RFX2: variants seen among roughly 807,000 people sequenced by gnomAD.
RFX2 encodes the protein regulatory factor X2, also known as DNA-binding protein RFX2.
In RFX2, 20 loss-of-function variants were observed where a neutral mutation model predicts 87.8. That is an observed-to-expected ratio of 0.23 (90% CI 0.16 to 0.33). RFX2 has a LOEUF of 0.33. Among genes scored for constraint, RFX2 ranks in the 10% least tolerant of loss-of-function variants. The probability of loss-of-function intolerance (pLI) is 1.00; values close to 1 mark genes in which losing one functional copy is unlikely to be tolerated. For missense variants in RFX2, 767 were observed against 1,012.3 expected, an observed-to-expected ratio of 0.76 and a Z score of 3.29; for synonymous variants, 397 against 431.3, an observed-to-expected ratio of 0.92 and a Z score of 0.98.
At chr19:6,025,614 C>T (rs968590476) in intron 6 of RFX2, among the ~76,000 whole-genome samples, 1 of 151,978 alleles carries the variant, frequency 6.6e-6, no homozygotes, top group African/African-American at 2.4e-5. Context: ...CCTATGACAA[C>T]CCGAGGAGGT....
In RFX2 at chr19:6,110,234, C is replaced by A. The variant is rs2088283921; in HGVS notation, c.-9+159G>T. Among the ~76,000 whole-genome samples, 1 of 34 alleles carries A rather than the reference C, an allele frequency of 0.029. No individual in the cohort carries two copies. Among genetic ancestry groups the A allele is most frequent in the Admixed American group, 0.17 (1 of 6 alleles). 0.0% of individuals were successfully genotyped at this position (34 alleles called of 152,430 possible). On this transcript the variant is annotated intron_variant, in intron 1 of 17. Transcript: ENST00000303657. The surrounding 1 kb of genome is among the most constrained non-coding windows in gnomAD (Gnocchi z 4.3). Reference sequence around the variant, plus strand: ...GGGTCCCCCCAAACTCCGCCGCGCGCGCGGACGGGGTGGCGGAGGCGGGTC... The same window carrying A: ...GGGTCCCCCCAAACTCCGCCGCGCGAGCGGACGGGGTGGCGGAGGCGGGTC...
chr19:6,091,469 T>G (rs1190513521), intron 1 of RFX2, among the ~76,000 whole-genome samples: 4 of 148,678 alleles, frequency 2.7e-5, no homozygotes, highest in Admixed American at 2.0e-4. Flanking sequence ...AAAAGGTGAA[T>G]TGTATGTGAA....
intron 5 of RFX2, among the ~76,000 whole-genome samples, chr19:6,029,713 AAAAAC>A (rs1222980112): frequency 6.6e-6 from 1 of 152,344 alleles, no homozygotes; most frequent in Admixed American, 6.5e-5. Context: ...ATATCAAAAC[AAAAAC>A]AAAACAAAAC....
chr19:6,074,804 G>A lies in RFX2; in HGVS notation c.-8-27300C>T, dbSNP rs527817483. Among the ~76,000 whole-genome samples, 235 of 152,332 alleles carry A rather than the reference G, an allele frequency of 1.5e-3. No individual in the cohort carries two copies. The highest frequency in any genetic ancestry group is 5.4e-3 in the African/African-American group (226 of 41,576). ...GAAGGCTCTGCCAGGGATGGTGCTC[G>A]GCAAGGCTGAGGCACACGGGACATG... is the stretch of plus-strand genomic sequence containing the variant. On this transcript the variant is annotated intron_variant, in intron 1 of 17. Transcript: ENST00000303657. This position sits in a 1 kb window ranked among gnomAD's most constrained non-coding sequence, Gnocchi z 5.2.
Position 6,007,107 on chromosome 19 carries a change from C to A in RFX2, c.1307G>T (p.Cys436Phe), listed in dbSNP as rs1305858481. The A allele has an allele frequency of 6.2e-7, 1 of 1,614,130 alleles. No individual in the cohort carries two copies. Among genetic ancestry groups the A allele is most frequent in the Middle Eastern group, 1.7e-4 (1 of 6,056 alleles). ...CCTCATCCACCTGAGGATGGGGTCG[C>A]ACTGACACAGGGAGATAAGCTTGTC... ...PKDKLISLCQ[C>F]DPILRWMRSC... The change falls in exon 12 of 18, where the codon TGC (cysteine) becomes TTC (phenylalanine). Residue 436 changes from cysteine (C) to phenylalanine (F), a missense_variant. Physicochemically the swap from Cys to Phe is radical, Grantham distance 205. Around this residue, in one of 2 missense-constraint regions of RFX2, gnomAD observed 621 missense variants for 873.0 expected, o/e 0.71. Coordinates refer to ENST00000303657, the MANE Select transcript of RFX2 (RefSeq NM_000635.4). The surrounding 1 kb of genome is among the most constrained non-coding windows in gnomAD (Gnocchi z 8.2).
chr19:6,026,314 C>T lies in RFX2; in HGVS notation c.523-77G>A, dbSNP rs1351093908. ...AAGGAAATCAGATGGTTAGCATCAG[C>T]CAAGATTTGTTTTTATTAATATCCA... On this transcript the variant is annotated intron_variant, in intron 5 of 17. Transcript: ENST00000303657. This position sits in a 1 kb window ranked among gnomAD's most constrained non-coding sequence, Gnocchi z 4.5. The T allele has an allele frequency of 5.6e-6, 7 of 1,261,024 alleles. No individual in the cohort carries two copies. Among genetic ancestry groups the T allele is most frequent in the Non-Finnish European group, 8.0e-6 (7 of 879,758 alleles). 78.1% of individuals were successfully genotyped at this position (1,261,024 alleles called of 1,614,324 possible). A position where few individuals can be genotyped will look rare whatever the true frequency, so the allele number is the denominator to read the frequency against.
rs1281554096 is a variant in RFX2, at chr19:5,998,802, GT to G, written c.1860-1590del. 2.0e-5 allele frequency among the ~76,000 whole-genome samples: 3 copies of G among 152,194 alleles called. No homozygotes were observed. In the East Asian group the frequency reaches 5.8e-4, roughly 29 times the overall value. On this transcript the variant is annotated intron_variant, in intron 15 of 17. Transcript: ENST00000303657. This position sits in a 1 kb window ranked among gnomAD's most constrained non-coding sequence, Gnocchi z 4.2. ...CAAATGGGCTCGCAGCTCCCAGAGA[GT>G]AGGAGCATCGGCCGACCACCACCAA...
In RFX2 at chr19:6,007,880, C is replaced by T. The variant is rs1402182691; in HGVS notation, c.1135-78G>A. On this transcript the variant is annotated intron_variant, in intron 10 of 17. Transcript: ENST00000303657. The surrounding 1 kb of genome is among the most constrained non-coding windows in gnomAD (Gnocchi z 8.2). ...ACTCAGCACACGTCAAGTGAGCAGC[C>T]GTGATCCGGGCTACAGCGGGGTGCC... 4.7e-6 allele frequency: 5 copies of T among 1,073,128 alleles called. No homozygotes were observed. Among genetic ancestry groups the T allele is most frequent in the Non-Finnish European group, 2.8e-6 (2 of 713,776 alleles). The allele number at this position is 1,073,128 out of a possible 1,614,324, so 66.5% of individuals were successfully genotyped here.
Position 6,042,067 on chromosome 19 carries a change from G to A in RFX2, c.237C>T (p.Asp79=), listed in dbSNP as rs374449502. ...ACATGGCTCCATTGGTGTAGACGGC[G>A]TCTCCCCCTTCCACGTACTGCACCT... The part of the protein sequence containing the change: ...PAQVQYVEGG[D]AVYTNGAIRT... The change falls in exon 4 of 18, where the codon GAC becomes GAT. Residue 79 remains aspartate, a synonymous_variant. Transcript: ENST00000303657. 49 of 1,613,836 alleles carry A rather than the reference G, an allele frequency of 3.0e-5. 1 individual carries two copies. Among genetic ancestry groups the A allele is most frequent in the East Asian group, 8.9e-5 (4 of 44,902 alleles).
At chr19:6,019,021 C>A (rs1194383882) in intron 6 of RFX2, among the ~76,000 whole-genome samples, 1 of 151,998 alleles carries the variant, frequency 6.6e-6, no homozygotes, top group Non-Finnish European at 1.5e-5. Flanking sequence ...TGCCTCCTGC[C>A]GCCTGCAGGG....
chr19:6,076,114 C>G (rs899543649), intron 1 of RFX2, among the ~76,000 whole-genome samples: 1 of 152,086 alleles, frequency 6.6e-6, no homozygotes, highest in African/African-American at 2.4e-5. Flanking sequence ...CCAAGGTGGG[C>G]AGATCACTTG....
At chr19:6,079,426 C>T (rs1163275676) in intron 1 of RFX2, among the ~76,000 whole-genome samples, 1 of 152,220 alleles carries the variant, frequency 6.6e-6, no homozygotes, top group Non-Finnish European at 1.5e-5. Flanking sequence ...TGTAGCCAGT[C>T]TCAAAAGCTG....
intron 1 of RFX2, among the ~76,000 whole-genome samples, chr19:6,100,048 AT>A (rs762982504): frequency 3.3e-5 from 5 of 152,152 alleles, no homozygotes; most frequent in Non-Finnish European, 4.4e-5. Context: ...TCTAGTTTAT[AT>A]TTTCCAACTT....
intron 1 of RFX2, among the ~76,000 whole-genome samples, chr19:6,098,103 G>A (rs1433370299): frequency 6.6e-6 from 1 of 152,076 alleles, no homozygotes; most frequent in Non-Finnish European, 1.5e-5. Flanking sequence ...CAGAGAAGGT[G>A]AATGACTCGA....
chr19:6,091,103 T>C (rs2087927685), intron 1 of RFX2, among the ~76,000 whole-genome samples: 1 of 152,168 alleles, frequency 6.6e-6, no homozygotes. Flanking sequence ...TTCACGGTGA[T>C]GGAAATGTTC....
chr19:6,079,938 T>A (rs2087754625), intron 1 of RFX2, among the ~76,000 whole-genome samples: 3 of 132,824 alleles, frequency 2.3e-5, no homozygotes, highest in Non-Finnish European at 3.2e-5. Flanking sequence ...ACAGCAAACC[T>A]AAAAAGGCAA....
Position 6,002,844 on chromosome 19 carries a change from C to T in RFX2, c.1527G>A (p.Gln509=). 4 of 1,611,352 alleles carry T rather than the reference C, an allele frequency of 2.5e-6. No individual in the cohort carries two copies. The highest frequency in any genetic ancestry group is 3.4e-6 in the Non-Finnish European group (4 of 1,179,418). The change falls in exon 14 of 18, where the codon CAG becomes CAA. Residue 509 remains glutamine (Q), a synonymous_variant. Coordinates refer to ENST00000303657, the MANE Select transcript of RFX2 (RefSeq NM_000635.4). This position sits in a 1 kb window ranked among gnomAD's most constrained non-coding sequence, Gnocchi z 6.7. The part of the protein sequence containing the change: ...TKVGVVSAFA[Q]TLRRYTSLNH... ...TGAGGGACGTGTAGCGCCGCAGCGT[C>T]TGGGCGAAGGCACTGACGACGCCCA...
At position 6,004,483 on chromosome 19, in the gene RFX2, T is replaced by C. The variant is rs1227286157; in HGVS notation, c.1403-185A>G. Among the ~76,000 whole-genome samples the C allele has an allele frequency of 6.6e-6, 1 of 152,228 alleles. No individual in the cohort carries two copies. Among genetic ancestry groups the C allele is most frequent in the African/African-American group, 2.4e-5 (1 of 41,468 alleles). ...AGAACCAGGCATGGCCCAGCGCTGC[T>C]GGTCACCACCCACTGCCTATGCGGG... On this transcript the variant is annotated intron_variant, in intron 12 of 17. Transcript: ENST00000303657. This position sits in a 1 kb window ranked among gnomAD's most constrained non-coding sequence, Gnocchi z 4.8.
rs1044820068 is a variant in RFX2 at position 5,999,214 on chromosome 19, C to T, written c.1860-2001G>A. 3.9e-5 allele frequency among the ~76,000 whole-genome samples: 6 copies of T among 152,220 alleles called. No individual in the cohort carries two copies. Among genetic ancestry groups the T allele is most frequent in the African/African-American group, 1.4e-4 (6 of 41,456 alleles). On this transcript the variant is annotated intron_variant, in intron 15 of 17. Transcript: ENST00000303657. This position sits in a 1 kb window ranked among gnomAD's most constrained non-coding sequence, Gnocchi z 4.1. ...GAGGTTGCAGTGAGCCGAGATCGCA[C>T]CATTGCACTCCAGCCTGGTGACAGA...
Sources: allele counts gnomAD v4.1 joint callset (sites outside exome capture counted in the v4.1 genomes callset), GRCh38; gene constraint gnomAD v4.1.1; regional missense constraint gnomAD v4.1.1; non-coding constraint Gnocchi (gnomAD v3.1); transcripts MANE v1.5; gene names NCBI Gene and HGNC (gene_info 2026-07-23, HGNC 2026-07-21).